The following SRBD1 variants were observed in gnomAD, a reference collection of about 807,000 sequenced individuals.
SRBD1 encodes S1 RNA-binding domain-containing protein 1.
In SRBD1, 88 loss-of-function variants were observed where a neutral mutation model predicts 115.3. The ratio of observed to expected loss-of-function variants is 0.76; its 90% confidence interval spans 0.64 to 0.91. The LOEUF is 0.91. Among genes scored for constraint, SRBD1 ranks in the 40% least tolerant of loss-of-function variants. The probability of loss-of-function intolerance (pLI) is 0.00; values close to 1 mark genes in which losing one functional copy is unlikely to be tolerated. For missense variants in SRBD1, 1,385 were observed against 1,177.4 expected (o/e 1.18, Z -2.58); for synonymous variants, 509 against 407.7 (o/e 1.25, Z -2.99).
Position 45,546,742 on chromosome 2 carries a change from C to T in SRBD1, c.1864G>A (p.Val622Ile). Residue 622 changes from valine (V) to isoleucine (I), a missense_variant, in exon 14 of 21, where the codon GTT becomes ATT. By Grantham distance (29) the Val-to-Ile change is conservative (BLOSUM62 3). Coordinates refer to ENST00000263736, the MANE Select transcript of SRBD1 (RefSeq NM_018079.5). Reference sequence around the variant, plus strand: ...ATGTAATAGCCTTACCAGTAAACAACATCCAGTGGTGCAAAATAATTCTTC... The same window carrying T: ...ATGTAATAGCCTTACCAGTAAACAATATCCAGTGGTGCAAAATAATTCTTC... Reference protein sequence around the residue: ...IMKNYFAPLDVVYCIVSEAGA... With the variant: ...IMKNYFAPLDIVYCIVSEAGA... 7 of 1,614,018 alleles carry T rather than the reference C, an allele frequency of 4.3e-6. No homozygotes were observed. The highest frequency in any genetic ancestry group is 5.9e-6 in the Non-Finnish European group (7 of 1,179,914).
At position 45,418,540 on chromosome 2, in the gene SRBD1, G is replaced by T. The variant is rs1436412168; in HGVS notation, c.2158C>A (p.His720Asn). 1.9e-6 allele frequency: 3 copies of T among 1,580,510 alleles called. No homozygotes were observed. Among genetic ancestry groups the T allele is most frequent in the Non-Finnish European group, 2.6e-6 (3 of 1,166,794 alleles). The change falls in exon 18 of 21, where the codon CAT (histidine) becomes AAT (asparagine). Residue 720 changes from histidine (H) to asparagine (N), a missense_variant and splice_region_variant. Coordinates refer to ENST00000263736, the MANE Select transcript of SRBD1 (RefSeq NM_018079.5). The stretch of plus-strand genomic sequence containing the variant: ...CTGTTGGCATTGAGTCCTGCAATAT[G>T]CCTAGAAAAAAAAAATAAGCAAACT... ...INICSEVLLR[H>N]IAGLNANRAK...
intron 16 of SRBD1, among the ~76,000 whole-genome samples, chr2:45,466,245 C>T (rs943041232): frequency 4.6e-5 from 7 of 152,142 alleles, no homozygotes; most frequent in African/African-American, 1.7e-4. Flanking sequence ...TCCTCACAGT[C>T]CTGCTATCTT....
At chr2:45,587,374 T>C (rs529388497) in intron 4 of SRBD1, among the ~76,000 whole-genome samples, 62 of 151,552 alleles carry the variant, frequency 4.1e-4, no homozygotes, top group African/African-American at 1.5e-3. Context: ...AAATGTACAG[T>C]TAAACAGAAA....
At chr2:45,576,292 A>G (rs1358662430) in intron 7 of SRBD1, among the ~76,000 whole-genome samples, 3 of 152,252 alleles carry the variant, frequency 2.0e-5, no homozygotes, top group Non-Finnish European at 4.4e-5. Flanking sequence ...AATACAGTAT[A>G]TAACACATAT....
At chr2:45,437,778 C>G (rs1205745469) in intron 16 of SRBD1, among the ~76,000 whole-genome samples, 1 of 151,982 alleles carries the variant, frequency 6.6e-6, no homozygotes, top group African/African-American at 2.4e-5. Flanking sequence ...GAATCATAGA[C>G]CTAAATGTAA....
At chr2:45,418,264 C>A (rs894143510) in intron 18 of SRBD1, 101 bp downstream of exon 18, 2 of 1,390,192 alleles carry the variant, frequency 1.4e-6, no homozygotes, top group Non-Finnish European at 2.0e-6. Context: ...AAGGCATGAA[C>A]AATGGACACT....
At chr2:45,440,235 A>G (rs1255289655) in intron 16 of SRBD1, among the ~76,000 whole-genome samples, 1 of 150,090 alleles carries the variant, frequency 6.7e-6, no homozygotes, top group Non-Finnish European at 1.5e-5. Flanking sequence ...TCATGAAACT[A>G]AAAAAATGAG....
chr2:45,542,285 G>A (rs1479529092), intron 14 of SRBD1, among the ~76,000 whole-genome samples: 1 of 152,272 alleles, frequency 6.6e-6, no homozygotes, highest in Non-Finnish European at 1.5e-5. Flanking sequence ...GCTCTGTTCT[G>A]GAGCGGGTGC....
At chr2:45,521,237 C>T (rs1671272542) in intron 14 of SRBD1, among the ~76,000 whole-genome samples, 1 of 150,648 alleles carries the variant, frequency 6.6e-6, no homozygotes, top group South Asian at 2.1e-4. Flanking sequence ...GGGGAAAGTG[C>T]CAGTTCCACA....
At chr2:45,566,373 C>A (rs1277548682) in intron 9 of SRBD1, among the ~76,000 whole-genome samples, 3 of 152,026 alleles carry the variant, frequency 2.0e-5, no homozygotes, top group Non-Finnish European at 4.4e-5. Flanking sequence ...TATTACGTAG[C>A]AATAAAAAGG....
At chr2:45,503,032 G>A (rs368692690) in intron 14 of SRBD1, among the ~76,000 whole-genome samples, 5 of 152,054 alleles carry the variant, frequency 3.3e-5, no homozygotes, top group Admixed American at 1.3e-4. Context: ...TGAGAATCAC[G>A]AGAATCACTG....
chr2:45,547,889 T>C (rs1206665118), intron 12 of SRBD1, among the ~76,000 whole-genome samples: 1 of 152,200 alleles, frequency 6.6e-6, no homozygotes, highest in East Asian at 1.9e-4. Context: ...ACATCTAACA[T>C]TAATAGTAGC....
At chr2:45,521,416 T>A (rs1290468202) in intron 14 of SRBD1, among the ~76,000 whole-genome samples, 1 of 151,788 alleles carries the variant, frequency 6.6e-6, no homozygotes, top group Non-Finnish European at 1.5e-5. Flanking sequence ...TTCAACATCT[T>A]AGTCACTAGG....
intron 14 of SRBD1, among the ~76,000 whole-genome samples, chr2:45,525,657 A>G (rs1671417838): frequency 1.3e-5 from 2 of 152,162 alleles, no homozygotes; most frequent in South Asian, 2.1e-4. Flanking sequence ...TCATTACACA[A>G]TGTATATGTA....
intron 3 of SRBD1, 122 bp from the exon 4 acceptor site, chr2:45,599,957 G>T: frequency 8.6e-7 from 1 of 1,166,852 alleles, no homozygotes. Flanking sequence ...AGAATCTCAA[G>T]TAAATTATGT....
At chr2:45,509,936 C>T (rs1441197373) in intron 14 of SRBD1, among the ~76,000 whole-genome samples, 5 of 152,090 alleles carry the variant, frequency 3.3e-5, no homozygotes, top group African/African-American at 4.8e-5. Flanking sequence ...GGTCTCACTA[C>T]GTTGCCCAGG....
chr2:45,474,005 C>T (rs145689755), intron 16 of SRBD1, among the ~76,000 whole-genome samples: 115 of 152,312 alleles, frequency 7.6e-4, no homozygotes, highest in African/African-American at 2.6e-3. Context: ...TGAAGGAATT[C>T]AACCTTCCAA....
chr2:45,588,592 T>G (rs1234173658), intron 4 of SRBD1, among the ~76,000 whole-genome samples: 1 of 152,154 alleles, frequency 6.6e-6, no homozygotes, highest in Non-Finnish European at 1.5e-5. Context: ...ATAGCAGCTA[T>G]GTGGCTTGAC....
Position 45,424,263 on chromosome 2 carries a change from A to T in SRBD1, c.2050-4369T>A, listed in dbSNP as rs76347202. On this transcript the variant is annotated intron_variant, in intron 16 of 20. Transcript: ENST00000263736. ...GCAGCTTCCAAGATGGTTCCCAATGATCCTCAAATCCTGGTATTGATACAC... is the reference window on the plus strand; with the variant it reads ...GCAGCTTCCAAGATGGTTCCCAATGTTCCTCAAATCCTGGTATTGATACAC... 6.9e-3 allele frequency among the ~76,000 whole-genome samples: 1,044 copies of T among 152,280 alleles called. 16 individuals are homozygous for T. Among genetic ancestry groups the T allele is most frequent in the African/African-American group, 0.024 (994 of 41,574 alleles).
Sources: allele counts gnomAD v4.1 joint callset (sites outside exome capture counted in the v4.1 genomes callset), GRCh38; gene constraint gnomAD v4.1.1; transcripts MANE v1.5; gene names NCBI Gene and HGNC (gene_info 2026-07-23, HGNC 2026-07-21).